SMTN: variants seen among roughly 807,000 people sequenced by gnomAD.
The protein encoded by SMTN is smoothelin.
Under a neutral mutation model 102.0 loss-of-function variants are expected in SMTN, and 58 were observed. The observed-to-expected ratio is 0.57, with a 90% CI of 0.46 to 0.71. The LOEUF is 0.71. Among genes scored for constraint, SMTN ranks in the 30% least tolerant of loss-of-function variants. The pLI is 0.00. For missense variants in SMTN, 1,185 were observed against 1,241.7 expected (o/e 0.95, Z 0.69); for synonymous variants, 478 against 497.9 (o/e 0.96, Z 0.53).
intron 2 of SMTN, chr22:31,085,278 T>G: frequency 6.6e-7 from 1 of 1,506,430 alleles, no homozygotes; most frequent in Non-Finnish European, 8.9e-7. Context: ...CTTCGGCGCC[T>G]AGCGCGAGGC....
At position 31,091,436 on chromosome 22, in the gene SMTN, G is replaced by A. The variant is rs1446295270; in HGVS notation, c.1413G>A (p.Gln471=). 1.2e-5 allele frequency: 18 copies of A among 1,537,848 alleles called. No individual in the cohort carries two copies. Among genetic ancestry groups the A allele is most frequent in the Non-Finnish European group, 1.5e-5 (17 of 1,146,292 alleles). Residue 471 remains glutamine, a synonymous_variant, in exon 10 of 21, where the codon CAG becomes CAA. Transcript: ENST00000333137. ...TCGAGATCAAGGACGGCCGTGGCCA[G>A]GCCTCCACAGGCCGGGTGCTGCTGC... The part of the protein sequence containing the change: ...FTIEIKDGRG[Q]ASTGRVLLPT...
intron 9 of SMTN, 38 bp downstream of exon 9, chr22:31,090,917 A>T: frequency 6.2e-7 from 1 of 1,612,884 alleles, no homozygotes; most frequent in Non-Finnish European, 8.5e-7. Context: ...ATCTGTGCAG[A>T]CCCTGTCCCA....
In SMTN at chr22:31,088,080, C is replaced by G. The variant is rs368756126; in HGVS notation, c.167C>G (p.Ala56Gly). The change falls in exon 3 of 21, where the codon GCC becomes GGC. Residue 56 changes from alanine (A) to glycine (G), a missense_variant. Transcript: ENST00000333137. ...GCCCTGGCATCCAAGCGTTTCCGTG[C>G]CGAGCGGCAGGACAACAAGGAGAAC... is the stretch of plus-strand genomic sequence containing the variant. ...EEALASKRFR[A>G]ERQDNKENWL... 1.4e-5 allele frequency: 22 copies of G among 1,608,284 alleles called. No homozygotes were observed. Among genetic ancestry groups the G allele is most frequent in the Non-Finnish European group, 1.9e-5 (22 of 1,176,234 alleles).
chr22:31,085,111 G>A (rs892160117), intron 2 of SMTN: 89 of 1,535,164 alleles, frequency 5.8e-5, no homozygotes, highest in Non-Finnish European at 7.3e-5. Context: ...TGCACGCCGC[G>A]TGCCCCTCCA....
At position 31,090,122 on chromosome 22, in the gene SMTN, C is replaced by T. The variant is rs754384770; in HGVS notation, c.807C>T (p.Pro269=). ...GQVVNKLLSG[P]KETPAAQSPT... ...CTCCCTTGCAGCTTCTGTCTGGCCCCAAAGAGACCCCTGCTGCCCAGAGCC... is the reference window on the plus strand; with the variant it reads ...CTCCCTTGCAGCTTCTGTCTGGCCCTAAAGAGACCCCTGCTGCCCAGAGCC... The change falls in exon 8 of 21, where the codon CCC becomes CCT. Residue 269 remains proline (P), a synonymous_variant. Coordinates refer to ENST00000333137, the MANE Select transcript of SMTN (RefSeq NM_134269.3). 5.0e-6 allele frequency: 8 copies of T among 1,612,538 alleles called. No individual in the cohort carries two copies. The highest frequency in any genetic ancestry group is 1.3e-5 in the African/African-American group (1 of 74,980).
rs531092018 is a variant in SMTN at position 31,104,210 on chromosome 22, T to C, written c.*21-106T>C. 7 of 1,334,206 alleles carry C rather than the reference T, an allele frequency of 5.2e-6. No homozygotes were observed. The Admixed American group carries it at 6.2e-5, about 12-fold the overall frequency. The allele number at this position is 1,334,206 out of a possible 1,614,324, so 82.6% of individuals were successfully genotyped here. ...AAGGCTTTTCCCTGTCTGGAGTTTATGAAAGACCAGCAGGCAATGCGGCAA... is the reference window on the plus strand; with the variant it reads ...AAGGCTTTTCCCTGTCTGGAGTTTACGAAAGACCAGCAGGCAATGCGGCAA... On this transcript the variant is annotated intron_variant, in intron 20 of 20. Transcript: ENST00000333137.
chr22:31,082,410 G>T (rs1027195267), intron 1 of SMTN: 13 of 424,726 alleles, frequency 3.1e-5, no homozygotes, highest in Non-Finnish European at 6.5e-5. Context: ...AGGGAGCTTC[G>T]GAAGCCGGAG....
At chr22:31,085,995 C>A (rs1017717916) in intron 2 of SMTN, among the ~76,000 whole-genome samples, 1 of 152,218 alleles carries the variant, frequency 6.6e-6, no homozygotes, top group East Asian at 1.9e-4. Context: ...AAGGCTAGCC[C>A]TTGCCCCTCT....
At chr22:31,098,279 C>A (rs936404822) in intron 16 of SMTN, among the ~76,000 whole-genome samples, 12 of 152,198 alleles carry the variant, frequency 7.9e-5, no homozygotes, top group African/African-American at 2.7e-4. Context: ...CCTCCCTGCT[C>A]TTGTGAAGTT....
At chr22:31,090,314 C>A (rs1439853669) in intron 8 of SMTN, 134 bp downstream of exon 8, 2 of 686,788 alleles carry the variant, frequency 2.9e-6, no homozygotes, top group South Asian at 3.8e-5. Context: ...TGATACTGCA[C>A]CCCACCCCTG....
chr22:31,091,927 T>A, intron 11 of SMTN, 80 bp downstream of exon 11: 12 of 1,261,922 alleles, frequency 9.5e-6, no homozygotes, highest in Non-Finnish European at 1.3e-5. Context: ...CTAGCAGGGT[T>A]CCTCTGCTCC....
intron 1 of SMTN, among the ~76,000 whole-genome samples, chr22:31,071,630 C>A (rs1272058952): frequency 2.0e-5 from 3 of 150,952 alleles, no homozygotes; most frequent in Non-Finnish European, 2.9e-5. Flanking sequence ...AAATTAAAAA[C>A]TTAATTAATT....
intron 1 of SMTN, among the ~76,000 whole-genome samples, chr22:31,081,805 A>G (rs117387668): frequency 0.034 from 5,244 of 152,218 alleles, 111 homozygotes; most frequent in Non-Finnish European, 0.05. Flanking sequence ...GGTGTCCTAG[A>G]TTAGGCATTA....
chr22:31,077,401 A>C (rs1215541109), upstream of SMTN, among the ~76,000 whole-genome samples: 22 of 151,920 alleles, frequency 1.4e-4, no homozygotes, highest in Admixed American at 4.6e-4. Context: ...AAAACAAAAA[A>C]AAAAACAACA....
Position 31,081,453 on chromosome 22 carries a change from A to C in SMTN, c.-84A>C, listed in dbSNP as rs1021618661. 6.6e-6 allele frequency: 1 copy of C among 152,362 alleles called. No homozygotes were observed. Among genetic ancestry groups the C allele is most frequent in the African/African-American group, 2.4e-5 (1 of 41,444 alleles). 9.4% of individuals were successfully genotyped at this position (152,362 alleles called of 1,614,324 possible). On this transcript the variant is annotated 5_prime_UTR_variant, in exon 1 of 21. Coordinates refer to ENST00000333137, the MANE Select transcript of SMTN (RefSeq NM_134269.3). Reference sequence around the variant, plus strand: ...TGCGCCGGACGGGTGGGCTGGACTGAGAGGTGGGTGTGCGGACCTCGGGGG... The same window carrying C: ...TGCGCCGGACGGGTGGGCTGGACTGCGAGGTGGGTGTGCGGACCTCGGGGG...
chr22:31,090,080 G>T, intron 7 of SMTN, 28 bp from the exon 8 acceptor site: 1 of 1,611,344 alleles, frequency 6.2e-7, no homozygotes, highest in Non-Finnish European at 8.5e-7. Context: ...GTCAGGCCTT[G>T]CTCAGGCCCT....
Position 31,088,581 on chromosome 22 carries a change from A to G in SMTN, c.269A>G (p.Asn90Ser). ...CTGGCAGGGCAGCTGGAGTCCATGA[A>G]CGATGTGGAGGAATTGACTGCACTG... ...ARLAGQLESMNDVEELTALLR... is the reference protein window; with the variant it reads ...ARLAGQLESMSDVEELTALLR... Residue 90 changes from asparagine to serine, a missense_variant, in exon 4 of 21, where the codon AAC becomes AGC. Asn to Ser is a conservative substitution (Grantham distance 46). This residue lies in a region of SMTN where 1,096 missense variants were observed against 1,112.7 expected (regional missense o/e 0.98). Coordinates refer to ENST00000333137, the MANE Select transcript of SMTN (RefSeq NM_134269.3). 1.2e-6 allele frequency: 2 copies of G among 1,613,886 alleles called. No individual in the cohort carries two copies. The highest frequency in any genetic ancestry group is 1.7e-6 in the Non-Finnish European group (2 of 1,179,916).
At chr22:31,084,965 A>C in intron 2 of SMTN, 1 of 1,443,306 alleles carries the variant, frequency 6.9e-7, no homozygotes, top group South Asian at 1.4e-5. Context: ...TATAAGGAAA[A>C]GCTAGGCCCG....
intron 2 of SMTN, 103 bp from the exon 3 acceptor site, chr22:31,087,862 T>G: frequency 4.7e-6 from 6 of 1,270,204 alleles, no homozygotes; most frequent in Non-Finnish European, 4.2e-6. Flanking sequence ...ACACAGGGAG[T>G]GGACACAGGC....
Sources: gnomAD v4.1 joint callset for allele counts (sites outside exome capture counted in the v4.1 genomes callset) on GRCh38, gnomAD v4.1.1 for gene constraint, gnomAD v4.1.1 regional missense constraint, MANE v1.5 for transcripts, NCBI Gene and HGNC (gene_info 2026-07-23, HGNC 2026-07-21) for gene names.